Variants in CDKAL1 observed in about 807,000 individuals in gnomAD.
CDKAL1 encodes threonylcarbamoyladenosine tRNA methylthiotransferase.
Under a neutral mutation model 68.2 loss-of-function variants are expected in CDKAL1, and 32 were observed. That is an observed-to-expected ratio of 0.47 (90% confidence interval 0.35 to 0.63). The LOEUF is 0.63. CDKAL1 is among the 30% of genes least tolerant of loss of function. The probability of loss-of-function intolerance (pLI) is 0.00; values close to 1 mark genes in which losing one functional copy is unlikely to be tolerated. For missense variants in CDKAL1, 606 were observed against 696.7 expected (o/e 0.87, Z 1.47); for synonymous variants, 234 against 244.3 (o/e 0.96, Z 0.39).
At chr6:21,087,386 C>CA (rs1269620387) in intron 12 of CDKAL1, among the ~76,000 whole-genome samples, 1 of 152,108 alleles carries the variant, frequency 6.6e-6, no homozygotes, top group Non-Finnish European at 1.5e-5. Flanking sequence ...GGCTGGAGTG[C>CA]AGTGGCACAA....
chr6:20,853,222 A>G (rs2150507930), intron 9 of CDKAL1, among the ~76,000 whole-genome samples: 1 of 152,216 alleles, frequency 6.6e-6, no homozygotes, highest in Non-Finnish European at 1.5e-5. Flanking sequence ...TCTCTACTAA[A>G]AATACAAAAA....
At chr6:20,822,585 A>G (rs969203794) in intron 8 of CDKAL1, among the ~76,000 whole-genome samples, 1 of 152,154 alleles carries the variant, frequency 6.6e-6, no homozygotes, top group Non-Finnish European at 1.5e-5. Context: ...CTCATCTTGA[A>G]TTGTAATTCC....
intron 10 of CDKAL1, among the ~76,000 whole-genome samples, chr6:20,956,175 T>C (rs1419445176): frequency 6.6e-6 from 1 of 152,226 alleles, no homozygotes; most frequent in African/African-American, 2.4e-5. Context: ...TGACATTTTC[T>C]TTCAGAGAAT....
At chr6:21,230,479 A>G (rs1020889134) in intron 15 of CDKAL1, among the ~76,000 whole-genome samples, 1 of 151,972 alleles carries the variant, frequency 6.6e-6, no homozygotes, top group East Asian at 1.9e-4. Context: ...TTTCTTTGTC[A>G]TTCTTCCATT....
chr6:20,551,131 C>G (rs1206475960), intron 4 of CDKAL1, among the ~76,000 whole-genome samples: 3 of 151,962 alleles, frequency 2.0e-5, no homozygotes. Context: ...TCCCAAAGTG[C>G]TGGGATTACA....
chr6:20,565,804 GA>G (rs940141808), intron 4 of CDKAL1, among the ~76,000 whole-genome samples: 10 of 152,218 alleles, frequency 6.6e-5, no homozygotes, highest in African/African-American at 2.2e-4. Context: ...GTAGTCTTAG[GA>G]TATTCTTACT....
chr6:20,632,561 C>A (rs1430969484), intron 4 of CDKAL1, among the ~76,000 whole-genome samples: 1 of 152,218 alleles, frequency 6.6e-6, no homozygotes. Flanking sequence ...ACCCCAGCTT[C>A]TGCTGAGAGT....
chr6:21,126,989 C>T (rs1775045011), intron 13 of CDKAL1, among the ~76,000 whole-genome samples: 1 of 152,214 alleles, frequency 6.6e-6, no homozygotes, highest in Admixed American at 6.5e-5. Context: ...CCCAGCTCCA[C>T]ACCACACTCT....
At chr6:20,825,886 G>T (rs1777483526) in intron 8 of CDKAL1, among the ~76,000 whole-genome samples, 1 of 152,080 alleles carries the variant, frequency 6.6e-6, no homozygotes, top group Non-Finnish European at 1.5e-5. Flanking sequence ...GCATTTCTTT[G>T]TTGGGTTTGT....
chr6:21,037,502 C>T (rs1004368194), intron 11 of CDKAL1, among the ~76,000 whole-genome samples: 28 of 152,268 alleles, frequency 1.8e-4, no homozygotes, highest in African/African-American at 6.0e-4. Flanking sequence ...CTATCAGTTA[C>T]AGGATCTCAA....
intron 12 of CDKAL1, among the ~76,000 whole-genome samples, chr6:21,095,731 T>G (rs969150964): frequency 6.6e-6 from 1 of 152,150 alleles, no homozygotes; most frequent in African/African-American, 2.4e-5. Context: ...TCAACTGATT[T>G]CTGAAGTGAC....
chr6:21,141,031 C>T (rs894465075), intron 13 of CDKAL1, among the ~76,000 whole-genome samples: 2 of 152,106 alleles, frequency 1.3e-5, no homozygotes, highest in African/African-American at 2.4e-5. Flanking sequence ...AGCACGGGAC[C>T]CATCACCTCC....
intron 13 of CDKAL1, among the ~76,000 whole-genome samples, chr6:21,188,216 C>CT (rs1582383509): frequency 6.6e-6 from 1 of 152,056 alleles, no homozygotes; most frequent in South Asian, 2.1e-4. Context: ...TCTTAATATA[C>CT]TTTTTTTAAT....
chr6:21,008,399 A>G (rs1395220722), intron 11 of CDKAL1, among the ~76,000 whole-genome samples: 2 of 152,174 alleles, frequency 1.3e-5, no homozygotes, highest in Non-Finnish European at 2.9e-5. Flanking sequence ...TTAAAAAGGC[A>G]GGGTCAGGCC....
intron 12 of CDKAL1, among the ~76,000 whole-genome samples, chr6:21,091,987 C>T (rs1022955715): frequency 6.7e-6 from 1 of 149,240 alleles, no homozygotes; most frequent in Non-Finnish European, 1.5e-5. Context: ...CCCGGGTTCA[C>T]GCCATTCTCC....
chr6:20,790,319 G>C (rs1775844503), intron 8 of CDKAL1, among the ~76,000 whole-genome samples: 1 of 152,140 alleles, frequency 6.6e-6, no homozygotes, highest in African/African-American at 2.4e-5. Context: ...ATATCTTATA[G>C]GTGGATTTAA....
At chr6:20,646,231 A>G (rs1460772606) in intron 4 of CDKAL1, among the ~76,000 whole-genome samples, 1 of 150,822 alleles carries the variant, frequency 6.6e-6, no homozygotes, top group Non-Finnish European at 1.5e-5. Context: ...TAATTTTTGT[A>G]TTTTTAGTAG....
intron 10 of CDKAL1, among the ~76,000 whole-genome samples, chr6:20,965,641 C>T (rs1023012008): frequency 1.3e-5 from 2 of 152,192 alleles, no homozygotes; most frequent in Middle Eastern, 3.4e-3. Flanking sequence ...TGTACACTTC[C>T]GTTTATATAG....
chr6:21,100,111 C>T (rs538111531), intron 12 of CDKAL1, among the ~76,000 whole-genome samples: 33 of 152,202 alleles, frequency 2.2e-4, no homozygotes, highest in South Asian at 1.9e-3. Context: ...CTCTACCACC[C>T]CCACTCTCTG....
Sources: allele counts gnomAD v4.1 joint callset (sites outside exome capture counted in the v4.1 genomes callset), GRCh38; gene constraint gnomAD v4.1.1; transcripts MANE v1.5; gene names NCBI Gene and HGNC (gene_info 2026-07-23, HGNC 2026-07-21).